CNTNAP2: variants seen among roughly 807,000 people sequenced by gnomAD.
CNTNAP2 encodes the protein contactin associated protein 2, also known as contactin-associated protein-like 2.
In CNTNAP2, 98 loss-of-function variants were observed where a neutral mutation model predicts 155.2. That is an observed-to-expected ratio of 0.63 (90% CI 0.54 to 0.75). CNTNAP2 has a LOEUF of 0.75. Among genes scored for constraint, CNTNAP2 ranks in the 30% least tolerant of loss-of-function variants. The pLI, the probability that CNTNAP2 is intolerant of heterozygous loss-of-function variation, is 0.00. For missense variants in CNTNAP2, 1,727 were observed against 1,688.1 expected (o/e 1.02, Z -0.40); for synonymous variants, 651 against 631.2 (o/e 1.03, Z -0.47).
intron 13 of CNTNAP2, among the ~76,000 whole-genome samples, chr7:147,671,159 T>G (rs1795781099): frequency 6.6e-6 from 1 of 152,218 alleles, no homozygotes; most frequent in Non-Finnish European, 1.5e-5. Flanking sequence ...TTGGTTCCAG[T>G]GTTTGCGCAC....
At chr7:147,835,074 C>G (rs1456368414) in intron 13 of CNTNAP2, among the ~76,000 whole-genome samples, 1 of 152,136 alleles carries the variant, frequency 6.6e-6, no homozygotes, top group Non-Finnish European at 1.5e-5. Flanking sequence ...CCCCGGCTAC[C>G]AAAGTATCAT....
At chr7:147,162,862 G>A (rs1802052686) in intron 8 of CNTNAP2, among the ~76,000 whole-genome samples, 1 of 152,182 alleles carries the variant, frequency 6.6e-6, no homozygotes, top group African/African-American at 2.4e-5. Context: ...TGTTACACAT[G>A]CACAGTGACT....
chr7:148,112,457 G>A (rs139362433), intron 15 of CNTNAP2, among the ~76,000 whole-genome samples: 1,554 of 145,578 alleles, frequency 0.011, 19 homozygotes, highest in South Asian at 0.044. Context: ...GTGTCTTACT[G>A]TTGCCCAGGT....
At chr7:146,860,310 G>T (rs968675813) in intron 3 of CNTNAP2, among the ~76,000 whole-genome samples, 1 of 152,256 alleles carries the variant, frequency 6.6e-6, no homozygotes, top group Non-Finnish European at 1.5e-5. Context: ...TTGCACACCA[G>T]GGAGGTTGCT....
intron 3 of CNTNAP2, among the ~76,000 whole-genome samples, chr7:146,972,212 T>A (rs1414389469): frequency 6.6e-6 from 1 of 152,200 alleles, no homozygotes; most frequent in Admixed American, 6.5e-5. Context: ...ACAAATATGA[T>A]TTTATCAATC....
chr7:147,108,620 G>T (rs1250793067), intron 5 of CNTNAP2, among the ~76,000 whole-genome samples: 1 of 152,132 alleles, frequency 6.6e-6, no homozygotes, highest in Non-Finnish European at 1.5e-5. Context: ...TTAAGTTCAT[G>T]ACCTAACGGA....
chr7:147,110,356 AC>A (rs1800850198), intron 5 of CNTNAP2, among the ~76,000 whole-genome samples: 1 of 147,208 alleles, frequency 6.8e-6, no homozygotes, highest in Non-Finnish European at 1.5e-5. Context: ...AAGTAATGGT[AC>A]CTTTTTCTTT....
At chr7:146,579,065 G>A (rs181128940) in intron 1 of CNTNAP2, among the ~76,000 whole-genome samples, 346 of 152,008 alleles carry the variant, frequency 2.3e-3, no homozygotes, top group African/African-American at 7.7e-3. Flanking sequence ...TGTTTTTGCT[G>A]GGAAAAAAGG....
intron 3 of CNTNAP2, among the ~76,000 whole-genome samples, chr7:147,025,210 C>A (rs894490106): frequency 1.4e-5 from 2 of 143,272 alleles, no homozygotes; most frequent in Non-Finnish European, 1.5e-5. Context: ...CGCTTGAACC[C>A]GGGAAGCGGA....
At chr7:146,380,421 T>C (rs1391926543) in intron 1 of CNTNAP2, among the ~76,000 whole-genome samples, 1 of 152,156 alleles carries the variant, frequency 6.6e-6, no homozygotes, top group Admixed American at 6.5e-5. Flanking sequence ...TCTCTAAAAG[T>C]AACTGATGTC....
rs186518883 is a variant in CNTNAP2 at position 147,830,510 on chromosome 7, C to T, written c.2099-73055C>T. ...GGGGGTCACATAAACATCCAATCCA[C>T]TACATCTACTTTCTTCAAAACTGTA... On this transcript the variant is annotated intron_variant, in intron 13 of 23. Transcript: ENST00000361727. Among the ~76,000 whole-genome samples, 19 of 152,326 alleles carry T rather than the reference C, an allele frequency of 1.2e-4. No individual in the cohort carries two copies. The East Asian group carries it at 3.5e-3, about 28-fold the overall frequency.
chr7:147,693,969 C>T (rs529149062), intron 13 of CNTNAP2, among the ~76,000 whole-genome samples: 10 of 152,032 alleles, frequency 6.6e-5, no homozygotes, highest in Admixed American at 2.6e-4. Context: ...ATACATTAGC[C>T]GTAGATTTTT....
chr7:147,523,619 T>C (rs915068798), intron 11 of CNTNAP2, among the ~76,000 whole-genome samples: 6 of 152,118 alleles, frequency 3.9e-5, no homozygotes, highest in African/African-American at 1.4e-4. Context: ...CAGCTGAGCC[T>C]CCTCCTCTCT....
At chr7:146,397,703 C>G (rs146037052) in intron 1 of CNTNAP2, among the ~76,000 whole-genome samples, 116 of 152,046 alleles carry the variant, frequency 7.6e-4, no homozygotes, top group Non-Finnish European at 1.2e-3. Context: ...AAATTTATAC[C>G]CATACCAGTT....
At chr7:147,114,256 C>CTG (rs936290175) in intron 5 of CNTNAP2, among the ~76,000 whole-genome samples, 3 of 152,050 alleles carry the variant, frequency 2.0e-5, no homozygotes, top group African/African-American at 7.2e-5. Context: ...AGAGTAAGTG[C>CTG]TGTGTAGTGA....
At chr7:147,327,355 G>A (rs1278184127) in intron 9 of CNTNAP2, among the ~76,000 whole-genome samples, 2 of 152,148 alleles carry the variant, frequency 1.3e-5, no homozygotes, top group African/African-American at 4.8e-5. Flanking sequence ...GAATCTAGGT[G>A]TGTCTGACTC....
chr7:147,189,413 T>C (rs1802633525), intron 8 of CNTNAP2, among the ~76,000 whole-genome samples: 1 of 152,176 alleles, frequency 6.6e-6, no homozygotes, highest in African/African-American at 2.4e-5. Context: ...GTAGTATGCT[T>C]GTAATACTGA....
At chr7:147,695,710 G>A (rs1250458510) in intron 13 of CNTNAP2, among the ~76,000 whole-genome samples, 1 of 152,126 alleles carries the variant, frequency 6.6e-6, no homozygotes, top group Non-Finnish European at 1.5e-5. Flanking sequence ...ACTGAGGCAG[G>A]AGAATCTCTT....
At chr7:148,212,124 G>A (rs756154167) in intron 18 of CNTNAP2, among the ~76,000 whole-genome samples, 73 of 145,882 alleles carry the variant, frequency 5.0e-4, no homozygotes, top group Non-Finnish European at 8.4e-4. Flanking sequence ...GTTTGCTTTT[G>A]GTTTCTGTTT....
Sources: gnomAD v4.1 joint callset for allele counts (sites outside exome capture counted in the v4.1 genomes callset) on GRCh38, gnomAD v4.1.1 for gene constraint, MANE v1.5 for transcripts, NCBI Gene and HGNC (gene_info 2026-07-23, HGNC 2026-07-21) for gene names.